Variants in SNX11 observed in about 807,000 individuals in gnomAD.
SNX11 encodes the protein sorting nexin-11.
SNX11 carries 19 observed loss-of-function variants against 30.7 expected under a neutral mutation model. The ratio of observed to expected loss-of-function variants is 0.62; its 90% CI spans 0.43 to 0.91. SNX11 has a LOEUF of 0.91. Among genes scored for constraint, SNX11 ranks in the 40% least tolerant of loss-of-function variants. The pLI is 0.00. For synonymous variants in SNX11, 112 were observed against 119.0 expected, an observed-to-expected ratio of 0.94 and a Z score of 0.38; for missense variants, 302 against 326.7, an observed-to-expected ratio of 0.92 and a Z score of 0.58.
At chr17:48,118,528 A>G (rs1317130797) in intron 4 of SNX11, among the ~76,000 whole-genome samples, 176 bp from the exon 5 acceptor site, 1 of 150,832 alleles carries the variant, frequency 6.6e-6, no homozygotes, top group Admixed American at 6.7e-5. Context: ...CAGTAAGCCG[A>G]GATTGTACCA....
Position 48,114,684 on chromosome 17 carries a change from CTTTTTTTTTTT to C in SNX11, c.230+1290_230+1300del, listed in dbSNP as rs35097487. On this transcript the variant is annotated intron_variant, in intron 4 of 6. Coordinates refer to ENST00000359238, the MANE Select transcript of SNX11 (RefSeq NM_013323.3). ...TCTTGGCCAGGCTGGGTTTTTTTTGCTTTTTTTTTTTTTTTTTGAGACAGAGTTTCACTTTG... is the reference window on the plus strand; with the variant it reads ...TCTTGGCCAGGCTGGGTTTTTTTTGCTTTTTTGAGACAGAGTTTCACTTTG... Among the ~76,000 whole-genome samples, 3 of 112,876 alleles carry C rather than the reference CTTTTTTTTTTT, an allele frequency of 2.7e-5. No individual in the cohort carries two copies. In the East Asian group the frequency reaches 7.7e-4, roughly 29 times the overall value. The allele number at this position is 112,876 out of a possible 152,430, so 74.1% of individuals were successfully genotyped here.
intron 6 of SNX11, among the ~76,000 whole-genome samples, chr17:48,120,208 T>G (rs1267388218): frequency 1.4e-5 from 2 of 138,664 alleles, no homozygotes; most frequent in South Asian, 2.4e-4. Flanking sequence ...TCTGTTTTTT[T>G]TTTTTTTTTT....
chr17:48,112,467 G>C (rs2063501199), intron 2 of SNX11, 107 bp from the exon 3 acceptor site: 1 of 725,246 alleles, frequency 1.4e-6, no homozygotes, highest in South Asian at 1.6e-5. Flanking sequence ...ATGAAAGTTG[G>C]TGTTGAGTGA....
intron 6 of SNX11, among the ~76,000 whole-genome samples, chr17:48,120,445 T>A (rs1240479066): frequency 6.7e-6 from 1 of 150,124 alleles, no homozygotes; most frequent in Non-Finnish European, 1.5e-5. Context: ...TGACCTCAGG[T>A]GATCCACCCG....
At position 48,112,093 on chromosome 17, in the gene SNX11, T is replaced by C; in HGVS notation, c.42+8T>C. The C allele has an allele frequency of 6.2e-7, 1 of 1,613,058 alleles. No individual in the cohort carries two copies. Among genetic ancestry groups the C allele is most frequent in the Non-Finnish European group, 8.5e-7 (1 of 1,179,298 alleles). On this transcript the variant is annotated splice_region_variant and intron_variant, in intron 2 of 6. Coordinates refer to ENST00000359238, the MANE Select transcript of SNX11 (RefSeq NM_013323.3). The stretch of plus-strand genomic sequence containing the variant: ...GAGAACCAAGAACAGGAGGTAAGAG[T>C]ATGGTCTGCAGAGAACAGGTGGGTA...
intron 6 of SNX11, among the ~76,000 whole-genome samples, chr17:48,120,745 C>A (rs940981945): frequency 1.3e-5 from 2 of 150,594 alleles, no homozygotes; most frequent in African/African-American, 2.4e-5. Flanking sequence ...CTCCTGACCT[C>A]GTGATCTGCC....
chr17:48,115,301 A>G (rs573382011), intron 4 of SNX11, among the ~76,000 whole-genome samples: 93 of 151,940 alleles, frequency 6.1e-4, no homozygotes, highest in Middle Eastern at 3.4e-3. Flanking sequence ...ACCTCAGGCA[A>G]TCCGCCTGCC....
At chr17:48,113,968 G>T (rs896211268) in intron 4 of SNX11, among the ~76,000 whole-genome samples, 7 of 150,702 alleles carry the variant, frequency 4.6e-5, no homozygotes, top group Non-Finnish European at 1.0e-4. Flanking sequence ...AATTCTCTCT[G>T]CCTCAGCCTC....
chr17:48,108,159 T>C (rs779657663), intron 1 of SNX11, among the ~76,000 whole-genome samples: 3 of 152,164 alleles, frequency 2.0e-5, no homozygotes, highest in African/African-American at 7.2e-5. Context: ...TCTGGGGACA[T>C]TTACTTAAAT....
At position 48,112,652 on chromosome 17, in the gene SNX11, T is replaced by C; in HGVS notation, c.121T>C (p.Phe41Leu). Reference sequence around the variant, plus strand: ...GAACTCTTATGTGGATTATAAGATATTCCTCCATGTGAGTACATCAAGCTT... The same window carrying C: ...GAACTCTTATGTGGATTATAAGATACTCCTCCATGTGAGTACATCAAGCTT... ...SWNSYVDYKI[F>L]LHTNSKAFTA... is the part of the protein sequence containing the mutation. Residue 41 changes from phenylalanine to leucine, a missense_variant, in exon 3 of 7, where the codon TTC (phenylalanine) becomes CTC (leucine). By Grantham distance (22) the Phe-to-Leu change is conservative. Coordinates refer to ENST00000359238, the MANE Select transcript of SNX11 (RefSeq NM_013323.3). 6.2e-7 allele frequency: 1 copy of C among 1,609,744 alleles called. No homozygotes were observed. The highest frequency in any genetic ancestry group is 8.5e-7 in the Non-Finnish European group (1 of 1,176,154).
rs745501821 is a variant in SNX11, at chr17:48,121,467, C to T, written c.772C>T (p.Pro258Ser). The T allele has an allele frequency of 1.2e-6, 2 of 1,613,994 alleles. No individual in the cohort carries two copies. Among genetic ancestry groups the T allele is most frequent in the Non-Finnish European group, 8.5e-7 (1 of 1,180,028 alleles). The change falls in exon 7 of 7, where the codon CCT becomes TCT. Residue 258 changes from proline (P) to serine (S), a missense_variant. By Grantham distance (74) the Pro-to-Ser change is moderately conservative. Transcript: ENST00000359238. ...GGCTGTGGGAGGAGATCATGCTGTG[C>T]CTTTGGACCCTGGTCAGTTAGAAAC... ...RRAVGGDHAV[P>S]LDPGQLETVL...
In SNX11 at chr17:48,121,806, C is replaced by T. The variant is rs1016753115; in HGVS notation, c.*298C>T. ...TCTGCAGGTCATTTGTATGTAGGAC[C>T]AGGAGTATCTCCTCAGGTGACCAGT... is the stretch of plus-strand genomic sequence containing the variant. On this transcript the variant is annotated 3_prime_UTR_variant, in exon 7 of 7. Transcript: ENST00000359238. 19 of 346,974 alleles carry T rather than the reference C, an allele frequency of 5.5e-5. No homozygotes were observed. In the Admixed American group the frequency reaches 7.9e-4, roughly 14 times the overall value. 21.5% of individuals were successfully genotyped at this position (346,974 alleles called of 1,614,324 possible). A position where few individuals can be genotyped will look rare whatever the true frequency, so the allele number is the denominator to read the frequency against.
chr17:48,113,762 G>A (rs1044627758), intron 4 of SNX11, among the ~76,000 whole-genome samples: 21 of 151,844 alleles, frequency 1.4e-4, no homozygotes, highest in Non-Finnish European at 2.9e-5. Flanking sequence ...TTACTAGGGT[G>A]GTCTTGAACT....
Position 48,113,311 on chromosome 17 carries a change from A to T in SNX11, c.140A>T (p.Lys47Ile), listed in dbSNP as rs1382993016. The change falls in exon 4 of 7, where the codon AAA (lysine) becomes ATA (isoleucine). Residue 47 changes from lysine to isoleucine, a missense_variant. Lys to Ile is a moderately radical substitution (Grantham distance 102). Coordinates refer to ENST00000359238, the MANE Select transcript of SNX11 (RefSeq NM_013323.3). Reference sequence around the variant, plus strand: ...TGCTTTCATGTATAGACCAACAGCAAAGCCTTTACTGCCAAGACTTCCTGT... The same window carrying T: ...TGCTTTCATGTATAGACCAACAGCATAGCCTTTACTGCCAAGACTTCCTGT... ...DYKIFLHTNS[K>I]AFTAKTSCVR... 2 of 1,613,278 alleles carry T rather than the reference A, an allele frequency of 1.2e-6. No individual in the cohort carries two copies. The highest frequency in any genetic ancestry group is 1.7e-6 in the Non-Finnish European group (2 of 1,179,562).
Position 48,111,221 on chromosome 17 carries a change from C to G in SNX11, c.-13-810C>G, listed in dbSNP as rs540016068. On this transcript the variant is annotated intron_variant, in intron 1 of 6. Coordinates refer to ENST00000359238, the MANE Select transcript of SNX11 (RefSeq NM_013323.3). ...CCACTCAGGTGCTCCTTGGAGTGCT[C>G]TAGCTCTATGATTCACCTGTGGGGA... 5.0e-6 allele frequency: 3 copies of G among 603,270 alleles called. No individual in the cohort carries two copies. The African/African-American group carries it at 6.0e-5, about 12-fold the overall frequency. The allele number at this position is 603,270 out of a possible 1,614,324, so 37.4% of individuals were successfully genotyped here.
At chr17:48,119,566 C>T (rs1184417968) in intron 6 of SNX11, among the ~76,000 whole-genome samples, 1 of 152,160 alleles carries the variant, frequency 6.6e-6, no homozygotes, top group Non-Finnish European at 1.5e-5. Context: ...ATTCTCCTGC[C>T]TCAGCTTCCT....
intron 6 of SNX11, 124 bp downstream of exon 6, chr17:48,119,310 T>G: frequency 1.3e-6 from 1 of 765,058 alleles, no homozygotes; most frequent in Non-Finnish European, 2.1e-6. Flanking sequence ...TTTCTTGTTC[T>G]TTGGGTGCGT....
Position 48,118,739 on chromosome 17 carries a change from T to C in SNX11, c.266T>C (p.Phe89Ser), listed in dbSNP as rs1430042983. The change falls in exon 5 of 7, where the codon TTC becomes TCC. Residue 89 changes from phenylalanine to serine, a missense_variant. Physicochemically the swap from Phe to Ser is radical, Grantham distance 155. Coordinates refer to ENST00000359238, the MANE Select transcript of SNX11 (RefSeq NM_013323.3). ...VPELPGKSTFFGTSDEFIEKR... is the reference protein window; with the variant it reads ...VPELPGKSTFSGTSDEFIEKR... ...GAACTTCCTGGGAAGTCAACCTTCT[T>C]CGGCACCTCAGATGAGTTCATTGAG... is the stretch of plus-strand genomic sequence containing the variant. 1.2e-6 allele frequency: 2 copies of C among 1,614,082 alleles called. No homozygotes were observed. The highest frequency in any genetic ancestry group is 1.7e-6 in the Non-Finnish European group (2 of 1,179,964).
chr17:48,115,215 C>A (rs986796293), intron 4 of SNX11, among the ~76,000 whole-genome samples: 10 of 151,960 alleles, frequency 6.6e-5, no homozygotes, highest in Non-Finnish European at 1.3e-4. Context: ...GTCCCTACCC[C>A]CACGCCCAGC....
Sources: allele counts gnomAD v4.1 joint callset (sites outside exome capture counted in the v4.1 genomes callset), GRCh38; gene constraint gnomAD v4.1.1; transcripts MANE v1.5; gene names NCBI Gene and HGNC (gene_info 2026-07-23, HGNC 2026-07-21).